Variants in ZSCAN2 observed in about 807,000 individuals in gnomAD.
ZSCAN2 encodes the protein zinc finger and SCAN domain containing 2, also known as zinc finger and SCAN domain-containing protein 2.
ZSCAN2 carries 26 observed loss-of-function variants against 47.8 expected under a neutral mutation model. That is an observed-to-expected ratio of 0.54 (90% CI 0.40 to 0.75). ZSCAN2 has a LOEUF of 0.75. ZSCAN2 is among the 30% of genes least tolerant of loss of function. The pLI is 0.00. For missense variants in ZSCAN2, 732 were observed against 785.4 expected (o/e 0.93, Z 0.81); for synonymous variants, 305 against 288.7 (o/e 1.06, Z -0.57).
rs140035088 is a variant in ZSCAN2 at position 84,611,067 on chromosome 15, G to A, written c.406+6734G>A. 4.7e-3 allele frequency among the ~76,000 whole-genome samples: 717 copies of A among 152,230 alleles called. 2 individuals are homozygous for A. The highest frequency in any genetic ancestry group is 0.014 in the Middle Eastern group (4 of 294). On this transcript the variant is annotated intron_variant, in intron 2 of 2. Transcript: ENST00000546148. ...CCAGCACTTTGGGAGGCCAAGGTGG[G>A]TGGATCACGAGGTCAGGAGTTCAAG...
At chr15:84,615,569 A>G (rs902103950) in intron 2 of ZSCAN2, among the ~76,000 whole-genome samples, 1 of 152,160 alleles carries the variant, frequency 6.6e-6, no homozygotes, top group Non-Finnish European at 1.5e-5. Flanking sequence ...GGCTCAAGCA[A>G]TCCACCTGTC....
intron 2 of ZSCAN2, among the ~76,000 whole-genome samples, chr15:84,610,612 G>A (rs1237160936): frequency 5.3e-5 from 8 of 150,304 alleles, no homozygotes; most frequent in Admixed American, 3.4e-4. Flanking sequence ...TCAGCCTCCC[G>A]AGTAGGTGGG....
intron 2 of ZSCAN2, among the ~76,000 whole-genome samples, chr15:84,614,006 T>TTTTTTC (rs57369477): frequency 1.7e-5 from 2 of 116,180 alleles, no homozygotes; most frequent in East Asian, 6.4e-4. Context: ...TTTTTTTTTT[T>TTTTTTC]CAGAGACAGA....
chr15:84,611,472 G>T (rs1895546053), intron 2 of ZSCAN2, among the ~76,000 whole-genome samples: 1 of 151,556 alleles, frequency 6.6e-6, no homozygotes, highest in Non-Finnish European at 1.5e-5. Flanking sequence ...CAACAGGCCA[G>T]TCGTGGTGGC....
At chr15:84,606,795 C>T in intron 2 of ZSCAN2, 2 of 1,318,840 alleles carry the variant, frequency 1.5e-6, no homozygotes, top group Non-Finnish European at 1.9e-6. Context: ...GGGGACCATC[C>T]CAGACACATG....
intron 2 of ZSCAN2, among the ~76,000 whole-genome samples, chr15:84,605,675 G>C (rs75084417): frequency 0.018 from 2,697 of 152,304 alleles, 81 homozygotes; most frequent in African/African-American, 0.062. Context: ...GGAAGGAAGC[G>C]GAGTTTGGCA....
chr15:84,610,511 T>A (rs1215030853), intron 2 of ZSCAN2, among the ~76,000 whole-genome samples: 1 of 135,406 alleles, frequency 7.4e-6, no homozygotes, highest in Admixed American at 8.0e-5. Context: ...TTTTTTGAGA[T>A]GGAGTCTCAC....
chr15:84,617,942 A>T (rs1212649342), intron 2 of ZSCAN2, among the ~76,000 whole-genome samples: 1 of 152,204 alleles, frequency 6.6e-6, no homozygotes, highest in Non-Finnish European at 1.5e-5. Flanking sequence ...CTTGTCTCAA[A>T]AAAATAAAAA....
chr15:84,604,480 T>C, intron 2 of ZSCAN2, 147 bp downstream of exon 2: 1 of 1,054,136 alleles, frequency 9.5e-7, no homozygotes, highest in East Asian at 2.6e-5. Context: ...AGTCAGCGTG[T>C]TCATCAGCCT....
Position 84,603,831 on chromosome 15 carries a change from G to C in ZSCAN2, c.-97G>C. ...TTTTTGTTTCTCAGCGGGACTACTT[G>C]TTGATATTTGAGGAGGGAAGTGTCT... is the stretch of plus-strand genomic sequence containing the variant. On this transcript the variant is annotated 5_prime_UTR_variant, in exon 2 of 3. Coordinates refer to ENST00000546148, the MANE Select transcript of ZSCAN2 (RefSeq NM_181877.4). 2.9e-6 allele frequency: 4 copies of C among 1,396,620 alleles called. No individual in the cohort carries two copies. The highest frequency in any genetic ancestry group is 1.4e-5 in the African/African-American group (1 of 69,484). 86.5% of individuals were successfully genotyped at this position (1,396,620 alleles called of 1,614,324 possible). A position where few individuals can be genotyped will look rare whatever the true frequency, so the allele number is the denominator to read the frequency against.
In ZSCAN2 at chr15:84,622,135, C is replaced by T. The variant is rs1596039185; in HGVS notation, c.*95C>T. 1.7e-5 allele frequency: 20 copies of T among 1,162,466 alleles called. No individual in the cohort carries two copies. The South Asian group carries it at 2.6e-4, about 15-fold the overall frequency. 72.0% of individuals were successfully genotyped at this position (1,162,466 alleles called of 1,614,324 possible). A position where few individuals can be genotyped will look rare whatever the true frequency, so the allele number is the denominator to read the frequency against. On this transcript the variant is annotated 3_prime_UTR_variant, in exon 3 of 3. Transcript: ENST00000546148. ...CTTTCAAAGAGCTGTGCTTCCTAAA[C>T]ATTCTGGGGGGTTTTGCCAGAGTCT...
At position 84,604,215 on chromosome 15, in the gene ZSCAN2, G is replaced by A. The variant is rs546888101; in HGVS notation, c.288G>A (p.Glu96=). 13 of 1,614,040 alleles carry A rather than the reference G, an allele frequency of 8.1e-6. 1 individual carries two copies. In the Admixed American group the frequency reaches 2.2e-4, roughly 27 times the overall value. Reference sequence around the variant, plus strand: ...TGAGACCAGAGGTACACACCAAGGAGCAGATGTTAACCATGCTGCCAAAGG... The same window carrying A: ...TGAGACCAGAGGTACACACCAAGGAACAGATGTTAACCATGCTGCCAAAGG... ...RWLRPEVHTK[E]QMLTMLPKEI... The change falls in exon 2 of 3, where the codon GAG becomes GAA. Residue 96 remains glutamate, a synonymous_variant. Transcript: ENST00000546148.
In ZSCAN2 at chr15:84,621,541, G is replaced by A; in HGVS notation, c.1346G>A (p.Gly449Glu). The change falls in exon 3 of 3, where the codon GGG (glycine) becomes GAG (glutamate). Residue 449 changes from glycine (G) to glutamate (E), a missense_variant. Gly to Glu is a moderately conservative substitution (Grantham distance 98). Transcript: ENST00000546148. This position sits in a 1 kb window ranked among gnomAD's most constrained non-coding sequence, Gnocchi z 5.7. ...ATGGTGGAGAAGCCCTATAAGTGTG[G>A]GGTGTGTGGGAAGAGCTTCAGCCAG... is the stretch of plus-strand genomic sequence containing the variant. ...THMVEKPYKC[G>E]VCGKSFSQSS... 1.9e-6 allele frequency: 3 copies of A among 1,613,666 alleles called. No individual in the cohort carries two copies. The highest frequency in any genetic ancestry group is 2.5e-6 in the Non-Finnish European group (3 of 1,179,940).
chr15:84,602,567 C>CT (rs971688715), intron 1 of ZSCAN2, among the ~76,000 whole-genome samples: 2 of 143,322 alleles, frequency 1.4e-5, no homozygotes, highest in African/African-American at 2.6e-5. Context: ...AGTTTCTTTT[C>CT]TTTTTTTTCC....
At chr15:84,612,464 G>A (rs1032968031) in intron 2 of ZSCAN2, among the ~76,000 whole-genome samples, 2 of 152,232 alleles carry the variant, frequency 1.3e-5, no homozygotes, top group African/African-American at 4.8e-5. Context: ...GCCAGGAGCG[G>A]TAGCTCATGC....
At chr15:84,601,895 C>G (rs922154083) in intron 1 of ZSCAN2, 7 of 150,924 alleles carry the variant, frequency 4.6e-5, no homozygotes, top group Admixed American at 6.6e-5. Flanking sequence ...GTTTGCAATT[C>G]CACTGCTTTC....
chr15:84,612,873 TAGCC>T (rs1302399219), intron 2 of ZSCAN2, among the ~76,000 whole-genome samples: 4 of 152,268 alleles, frequency 2.6e-5, no homozygotes, highest in Non-Finnish European at 4.4e-5. Context: ...TAAAAGAAGA[TAGCC>T]CCATAAATTA....
chr15:84,611,428 C>T (rs1421073532), intron 2 of ZSCAN2, among the ~76,000 whole-genome samples: 2 of 151,906 alleles, frequency 1.3e-5, no homozygotes, highest in African/African-American at 2.4e-5. Context: ...GCACTCCAGC[C>T]TGGGAGACAG....
At chr15:84,611,759 G>A (rs1895556198) in intron 2 of ZSCAN2, 1 of 152,080 alleles carries the variant, frequency 6.6e-6, no homozygotes, top group African/African-American at 2.4e-5. Flanking sequence ...AAACAAAACA[G>A]AAAAGCAAGA....
Sources: allele counts gnomAD v4.1 joint callset (sites outside exome capture counted in the v4.1 genomes callset), GRCh38; gene constraint gnomAD v4.1.1; non-coding constraint Gnocchi (gnomAD v3.1); transcripts MANE v1.5; gene names NCBI Gene and HGNC (gene_info 2026-07-23, HGNC 2026-07-21).